EDIL3: variants seen among roughly 807,000 people sequenced by gnomAD.
EDIL3 encodes the protein EGF like and discoidin domains 3, also known as EGF-like repeat and discoidin I-like domain-containing protein 3.
Under a neutral mutation model 67.4 loss-of-function variants are expected in EDIL3, and 37 were observed. That is an observed-to-expected ratio of 0.55 (90% CI 0.42 to 0.72). The LOEUF is 0.72. Among genes scored for constraint, EDIL3 ranks in the 30% least tolerant of loss-of-function variants. The pLI, the probability that EDIL3 is intolerant of heterozygous loss-of-function variation, is 0.00. For synonymous variants in EDIL3, 195 were observed against 196.3 expected, an observed-to-expected ratio of 0.99 and a Z score of 0.05; for missense variants, 527 against 586.3, an observed-to-expected ratio of 0.90 and a Z score of 1.04.
intron 2 of EDIL3, among the ~76,000 whole-genome samples, chr5:84,230,410 CTT>C (rs869168484): frequency 3.6e-4 from 49 of 136,998 alleles, no homozygotes; most frequent in Admixed American, 5.1e-4. Flanking sequence ...TTGGACTTTT[CTT>C]TTTTTTTTTT....
chr5:84,279,817 TTTACTGC>T (rs781616332), intron 1 of EDIL3, among the ~76,000 whole-genome samples: 5 of 152,164 alleles, frequency 3.3e-5, no homozygotes, highest in Non-Finnish European at 5.9e-5. Context: ...GTTTGATCAT[TTTACTGC>T]TGCACATTCT....
chr5:84,236,756 C>A (rs1744690677), intron 2 of EDIL3, among the ~76,000 whole-genome samples: 1 of 150,594 alleles, frequency 6.6e-6, no homozygotes, highest in Admixed American at 6.6e-5. Flanking sequence ...AAATGAAGTC[C>A]AAAAGTAAAT....
chr5:84,356,573 C>A (rs1323838980), intron 1 of EDIL3, among the ~76,000 whole-genome samples: 1 of 152,174 alleles, frequency 6.6e-6, no homozygotes, highest in East Asian at 1.9e-4. Context: ...TTACAAGCAT[C>A]CTTGTAATTA....
chr5:84,327,290 T>A (rs1746782771), intron 1 of EDIL3, among the ~76,000 whole-genome samples: 3 of 151,988 alleles, frequency 2.0e-5, no homozygotes, highest in African/African-American at 7.2e-5. Context: ...GTTCCTACTG[T>A]TCATTTTTTC....
intron 1 of EDIL3, among the ~76,000 whole-genome samples, chr5:84,375,158 G>A (rs971699630): frequency 6.6e-6 from 1 of 151,924 alleles, no homozygotes; most frequent in Admixed American, 6.6e-5. Flanking sequence ...TTTTAGTAGA[G>A]AAAGGGTTTC....
intron 3 of EDIL3, among the ~76,000 whole-genome samples, chr5:84,226,899 G>A (rs1840843): frequency 0.44 from 67,025 of 151,542 alleles, 14,915 homozygotes; most frequent in African/African-American, 0.5. Flanking sequence ...TCACAAAAAG[G>A]CCTTCTTAGT....
intron 1 of EDIL3, among the ~76,000 whole-genome samples, chr5:84,370,817 G>A (rs1023922382): frequency 6.6e-6 from 1 of 152,068 alleles, no homozygotes; most frequent in African/African-American, 2.4e-5. Flanking sequence ...ATGCATCAGT[G>A]CATCAAGTAG....
chr5:83,987,869 G>GTA (rs34360330), intron 9 of EDIL3, among the ~76,000 whole-genome samples: 31,207 of 138,116 alleles, frequency 0.23, 3,810 homozygotes, highest in Non-Finnish European at 0.29. Context: ...GTGTGTGTAT[G>GTA]TATATATATA....
intron 1 of EDIL3, among the ~76,000 whole-genome samples, chr5:84,284,686 T>C (rs1054951596): frequency 6.6e-5 from 10 of 152,290 alleles, no homozygotes; most frequent in African/African-American, 2.2e-4. Flanking sequence ...TCCAAAAATC[T>C]GTAAATCCTT....
chr5:84,231,730 T>C (rs547298953), intron 2 of EDIL3, among the ~76,000 whole-genome samples: 1 of 152,310 alleles, frequency 6.6e-6, no homozygotes, highest in South Asian at 2.1e-4. Flanking sequence ...TAAAAGCTGT[T>C]TGCCGCTTTA....
intron 9 of EDIL3, among the ~76,000 whole-genome samples, chr5:84,037,167 T>C (rs1746037131): frequency 6.6e-6 from 1 of 152,198 alleles, no homozygotes; most frequent in South Asian, 2.1e-4. Context: ...CCTATGGGTA[T>C]GAAGTGACCC....
chr5:84,069,953 G>GGAGCAGAA (rs1352767319), intron 6 of EDIL3, among the ~76,000 whole-genome samples: 3 of 152,056 alleles, frequency 2.0e-5, no homozygotes, highest in Non-Finnish European at 4.4e-5. Context: ...GAGGAGCAGA[G>GGAGCAGAA]GAGCAGAAGA....
chr5:84,269,217 A>G (rs1484133360), intron 1 of EDIL3, among the ~76,000 whole-genome samples: 1 of 152,154 alleles, frequency 6.6e-6, no homozygotes, highest in Non-Finnish European at 1.5e-5. Context: ...GCACAAAGCC[A>G]TTTCACTTTT....
At chr5:84,344,288 T>C (rs1747192837) in intron 1 of EDIL3, among the ~76,000 whole-genome samples, 1 of 152,172 alleles carries the variant, frequency 6.6e-6, no homozygotes, top group Non-Finnish European at 1.5e-5. Context: ...AGCAAATAAC[T>C]CACAAGCATT....
rs55881777 is a variant in EDIL3 at position 84,319,463 on chromosome 5, CAAA to C, written c.67+64842_67+64844del. Among the ~76,000 whole-genome samples the C allele has an allele frequency of 3.0e-4, 3 of 10,012 alleles. 1 individual carries two copies. Among genetic ancestry groups the C allele is most frequent in the Non-Finnish European group, 5.2e-4 (3 of 5,774 alleles). The allele number at this position is 10,012 out of a possible 152,430, so 6.6% of individuals were successfully genotyped here. A position where few individuals can be genotyped will look rare whatever the true frequency, so the allele number is the denominator to read the frequency against. On this transcript the variant is annotated intron_variant, in intron 1 of 10. Transcript: ENST00000296591. ...TGGGCGACAGAACGAGACTCCGTCT[CAAA>C]AAAAAAAAAACAAAAAACAAAAAAC... is the stretch of plus-strand genomic sequence containing the variant.
intron 1 of EDIL3, among the ~76,000 whole-genome samples, chr5:84,368,417 T>C (rs1747782381): frequency 6.6e-6 from 1 of 152,154 alleles, no homozygotes; most frequent in Non-Finnish European, 1.5e-5. Flanking sequence ...CTGGTAGAAC[T>C]GAATATCCAT....
chr5:84,026,079 A>T (rs1373619828), intron 9 of EDIL3, among the ~76,000 whole-genome samples: 1 of 152,146 alleles, frequency 6.6e-6, no homozygotes, highest in African/African-American at 2.4e-5. Flanking sequence ...TGACCTGGGG[A>T]CTGGTTAGAA....
At chr5:84,245,805 T>C (rs1531257) in intron 2 of EDIL3, among the ~76,000 whole-genome samples, 102,951 of 151,186 alleles carry the variant, frequency 0.68, 35,278 homozygotes, top group East Asian at 0.95. Context: ...TGTATAGAAT[T>C]ATATATTTTG....
intron 1 of EDIL3, among the ~76,000 whole-genome samples, chr5:84,380,927 A>G (rs1422664736): frequency 6.6e-6 from 1 of 152,052 alleles, no homozygotes; most frequent in African/African-American, 2.4e-5. Flanking sequence ...AGAGAAAAGC[A>G]AACTTTATTA....
Sources: gnomAD v4.1 joint callset for allele counts (sites outside exome capture counted in the v4.1 genomes callset) on GRCh38, gnomAD v4.1.1 for gene constraint, MANE v1.5 for transcripts, NCBI Gene and HGNC (gene_info 2026-07-23, HGNC 2026-07-21) for gene names.